Variants in SRPK2 observed in about 807,000 individuals in gnomAD.
SRPK2 encodes SRSF protein kinase 2.
SRPK2 carries 21 observed loss-of-function variants against 90.8 expected under a neutral mutation model. The ratio of observed to expected loss-of-function variants is 0.23; its 90% CI spans 0.16 to 0.33. The LOEUF (loss-of-function observed/expected upper bound fraction) is 0.33. SRPK2 is among the 10% of genes least tolerant of loss of function. SRPK2 has a pLI of 1.00. For synonymous variants in SRPK2, 288 were observed against 311.1 expected (o/e 0.93, Z 0.78); for missense variants, 620 against 869.0 (o/e 0.71, Z 3.60).
At chr7:105,141,634 A>G (rs1387559281) in intron 11 of SRPK2, among the ~76,000 whole-genome samples, 1 of 152,246 alleles carries the variant, frequency 6.6e-6, no homozygotes, top group African/African-American at 2.4e-5. Context: ...GAATAGAAAC[A>G]AAACAAAACT....
At chr7:105,170,905 A>T (rs1179071310) in intron 3 of SRPK2, among the ~76,000 whole-genome samples, 3 of 125,600 alleles carry the variant, frequency 2.4e-5, no homozygotes, top group African/African-American at 9.6e-5. Flanking sequence ...GAAAGAAAGA[A>T]AGAAAGAAAG....
chr7:105,130,488 T>C (rs1406365444), intron 13 of SRPK2, among the ~76,000 whole-genome samples: 2 of 152,102 alleles, frequency 1.3e-5, no homozygotes, highest in Non-Finnish European at 2.9e-5. Flanking sequence ...AAGTGGAGTC[T>C]GCAGTGAACT....
At chr7:105,121,232 C>T (rs1042226111) in intron 15 of SRPK2, among the ~76,000 whole-genome samples, 2 of 151,908 alleles carry the variant, frequency 1.3e-5, no homozygotes, top group Non-Finnish European at 2.9e-5. Flanking sequence ...GTAATCCCAG[C>T]TACTTGGGAG....
At chr7:105,120,123 C>A (rs1800123058) in intron 15 of SRPK2, among the ~76,000 whole-genome samples, 1 of 152,168 alleles carries the variant, frequency 6.6e-6, no homozygotes, top group South Asian at 2.1e-4. Flanking sequence ...GTTGATCTCA[C>A]CACAGCAACA....
chr7:105,393,868 A>G (rs934521207), upstream of SRPK2, among the ~76,000 whole-genome samples: 11 of 151,944 alleles, frequency 7.2e-5, no homozygotes, highest in African/African-American at 2.7e-4. Flanking sequence ...GTTCAAGGTT[A>G]GGGAGGTTAT....
chr7:105,361,752 T>G (rs1818449512), intron 2 of SRPK2, among the ~76,000 whole-genome samples: 1 of 152,176 alleles, frequency 6.6e-6, no homozygotes, highest in Non-Finnish European at 1.5e-5. Flanking sequence ...TAAATGGTGC[T>G]GGGAAAACTG....
In SRPK2 at chr7:105,280,437, T is replaced by G. The variant is rs892579625; in HGVS notation, c.72-76652A>C. Among the ~76,000 whole-genome samples the G allele has an allele frequency of 2.0e-5, 3 of 149,734 alleles. No homozygotes were observed. The Admixed American group carries it at 2.0e-4, about 10-fold the overall frequency. On this transcript the variant is annotated intron_variant, in intron 2 of 15. Transcript: ENST00000393651. ...GACTGTCTTCAAAAAAAAAAAAAAG[T>G]CAAAAATTAAGATGTTATTATTTAT...
At chr7:105,275,388 C>G (rs1440923988) in intron 2 of SRPK2, among the ~76,000 whole-genome samples, 2 of 151,368 alleles carry the variant, frequency 1.3e-5, no homozygotes, top group Non-Finnish European at 2.9e-5. Context: ...TCTTCTTATT[C>G]ATCCCCTTTA....
At chr7:105,372,270 TG>T (rs1236554141) in intron 2 of SRPK2, among the ~76,000 whole-genome samples, 2 of 150,684 alleles carry the variant, frequency 1.3e-5, no homozygotes, top group African/African-American at 4.9e-5. Context: ...AAAACAAGAG[TG>T]GAAAAGCAGT....
intron 1 of SRPK2, among the ~76,000 whole-genome samples, chr7:105,395,592 T>C (rs1822299746): frequency 6.6e-6 from 1 of 152,020 alleles, no homozygotes; most frequent in South Asian, 2.1e-4. Context: ...TAGCGGGGTA[T>C]GGTTGTGCAC....
intron 2 of SRPK2, among the ~76,000 whole-genome samples, chr7:105,311,223 G>C (rs1811674120): frequency 6.6e-6 from 1 of 151,980 alleles, no homozygotes; most frequent in South Asian, 2.1e-4. Context: ...TAAATAATAA[G>C]CAAATAATTT....
intron 2 of SRPK2, among the ~76,000 whole-genome samples, chr7:105,335,221 T>C (rs1814953547): frequency 1.3e-5 from 2 of 152,126 alleles, no homozygotes; most frequent in South Asian, 2.1e-4. Context: ...ATTAAACTTC[T>C]AATAAAGGAA....
At chr7:105,158,516 G>C (rs139417847) in intron 7 of SRPK2, among the ~76,000 whole-genome samples, 12 of 152,160 alleles carry the variant, frequency 7.9e-5, no homozygotes, top group Non-Finnish European at 1.3e-4. Context: ...GCCGCCCAAA[G>C]TGCTGGGATT....
At chr7:105,355,839 G>A (rs1165638063) in intron 2 of SRPK2, among the ~76,000 whole-genome samples, 2 of 151,932 alleles carry the variant, frequency 1.3e-5, no homozygotes, top group African/African-American at 4.8e-5. Flanking sequence ...CTTGAGGTCA[G>A]GAGTTTTGAG....
chr7:105,387,731 G>A (rs1260061286), intron 2 of SRPK2, among the ~76,000 whole-genome samples: 2 of 152,152 alleles, frequency 1.3e-5, no homozygotes, highest in South Asian at 4.1e-4. Flanking sequence ...AAAGAGCGAA[G>A]CAATTAATCT....
chr7:105,170,832 A>G (rs376415153), intron 3 of SRPK2, among the ~76,000 whole-genome samples: 66 of 90,364 alleles, frequency 7.3e-4, no homozygotes, highest in African/African-American at 2.8e-3. Context: ...AAAGAGAAAG[A>G]AAGGAAGAAA....
At chr7:105,290,845 T>C in intron 2 of SRPK2, among the ~76,000 whole-genome samples, 1 of 148,530 alleles carries the variant, frequency 6.7e-6, no homozygotes, top group Non-Finnish European at 1.5e-5. Context: ...GAGACCATCC[T>C]GGCTAACAAG....
chr7:105,125,739 G>T lies in SRPK2; in HGVS notation c.1915+509C>A, dbSNP rs753087903. ...ACGAATGCACAATTTCTCCTTTTGG[G>T]AGAAGACTATGCTGAAAATTAGTGT... On this transcript the variant is annotated intron_variant, in intron 15 of 15. Coordinates refer to ENST00000393651, the MANE Select transcript of SRPK2 (RefSeq NM_182692.3). 1.2e-5 allele frequency: 11 copies of T among 908,850 alleles called. No individual in the cohort carries two copies. In the East Asian group the frequency reaches 6.9e-4, roughly 57 times the overall value. 56.3% of individuals were successfully genotyped at this position (908,850 alleles called of 1,614,324 possible).
intron 2 of SRPK2, among the ~76,000 whole-genome samples, chr7:105,373,193 A>C (rs1819891936): frequency 6.6e-6 from 1 of 152,142 alleles, no homozygotes; most frequent in Non-Finnish European, 1.5e-5. Context: ...CACCTATACC[A>C]ACTAATGAAA....
Sources: allele counts gnomAD v4.1 joint callset (sites outside exome capture counted in the v4.1 genomes callset), GRCh38; gene constraint gnomAD v4.1.1; transcripts MANE v1.5; gene names NCBI Gene and HGNC (gene_info 2026-07-23, HGNC 2026-07-21).